USP43: variants seen among roughly 807,000 people sequenced by gnomAD.
USP43 encodes the protein ubiquitin carboxyl-terminal hydrolase 43.
Under a neutral mutation model 90.7 loss-of-function variants are expected in USP43, and 33 were observed. The ratio of observed to expected loss-of-function variants is 0.36; its 90% CI spans 0.28 to 0.49. The LOEUF (loss-of-function observed/expected upper bound fraction) is 0.49, where lower values mean the gene tolerates loss of function less well. Ranked by LOEUF, USP43 falls within the 20% of genes least tolerant of loss-of-function variation. The pLI, the probability that USP43 is intolerant of heterozygous loss-of-function variation, is 0.98. For missense variants in USP43, 1,274 were observed against 1,476.4 expected (o/e 0.86, Z 2.25); for synonymous variants, 598 against 615.8 (o/e 0.97, Z 0.43).
chr17:9,660,146 G>T (rs1365948235), intron 2 of USP43, among the ~76,000 whole-genome samples: 1 of 152,048 alleles, frequency 6.6e-6, no homozygotes, highest in Non-Finnish European at 1.5e-5. Flanking sequence ...AGCCAAGAAG[G>T]CCTGGCAATA....
At chr17:9,710,500 CTT>C (rs753636549) in intron 13 of USP43, among the ~76,000 whole-genome samples, 167 of 86,000 alleles carry the variant, frequency 1.9e-3, no homozygotes, top group African/African-American at 8.3e-3. Context: ...GGAAAGGTAG[CTT>C]TTTTTTTTTT....
chr17:9,682,753 A>C (rs1914370767), intron 6 of USP43, 70 bp from the exon 7 acceptor site: 3 of 1,552,480 alleles, frequency 1.9e-6, no homozygotes, highest in Non-Finnish European at 2.6e-6. Flanking sequence ...GGGACTAGAG[A>C]AGCTAAGGCT....
intron 14 of USP43, among the ~76,000 whole-genome samples, chr17:9,717,699 G>T (rs76890294): frequency 6.6e-6 from 1 of 151,868 alleles, no homozygotes; most frequent in African/African-American, 2.4e-5. Flanking sequence ...TGGGAGGGGG[G>T]CCTATCCAGG....
intron 1 of USP43, 35 bp downstream of exon 1, chr17:9,646,171 C>G: frequency 1.4e-6 from 2 of 1,391,292 alleles, no homozygotes; most frequent in East Asian, 3.1e-5. Context: ...GCCCTGTCCC[C>G]CTGGTTTCGC....
Position 9,647,428 on chromosome 17 carries a change from G to C in USP43, c.504+1292G>C, listed in dbSNP as rs370614724. On this transcript the variant is annotated intron_variant, in intron 1 of 14. Coordinates refer to ENST00000285199, the MANE Select transcript of USP43 (RefSeq NM_153210.5). ...AAGAGCAAGGTCTCTGGAGTTTTGTGACCTTGAGCAAGTTACCAGATCTCT... is the reference window on the plus strand; with the variant it reads ...AAGAGCAAGGTCTCTGGAGTTTTGTCACCTTGAGCAAGTTACCAGATCTCT... 22 of 152,156 alleles carry C rather than the reference G, an allele frequency of 1.4e-4. No individual in the cohort carries two copies. The East Asian group carries it at 2.1e-3, about 15-fold the overall frequency. The allele number at this position is 152,156 out of a possible 1,614,324, so 9.4% of individuals were successfully genotyped here.
In USP43 at chr17:9,646,074, G is replaced by T; in HGVS notation, c.442G>T (p.Ala148Ser). 1 of 1,508,210 alleles carries T rather than the reference G, an allele frequency of 6.6e-7. No individual in the cohort carries two copies. Among genetic ancestry groups the T allele is most frequent in the Non-Finnish European group, 8.9e-7 (1 of 1,128,950 alleles). The allele number at this position is 1,508,210 out of a possible 1,614,324, so 93.4% of individuals were successfully genotyped here. The change falls in exon 1 of 15, where the codon GCG (alanine) becomes TCG (serine). Residue 148 changes from alanine (A) to serine (S), a missense_variant. By Grantham distance (99) the Ala-to-Ser change is moderately conservative. This residue lies in a region of USP43 where 259 missense variants were observed against 373.7 expected (regional missense o/e 0.69). Transcript: ENST00000285199. ...PGRAEVTEQLAALVRALWTRE... is the reference protein window; with the variant it reads ...PGRAEVTEQLSALVRALWTRE... The stretch of plus-strand genomic sequence containing the variant: ...CCGCGCCGAGGTCACCGAGCAGCTG[G>T]CGGCGCTGGTGCGCGCGCTCTGGAC...
At chr17:9,656,230 C>A (rs754557577) in intron 1 of USP43, among the ~76,000 whole-genome samples, 173 bp from the exon 2 acceptor site, 4 of 152,118 alleles carry the variant, frequency 2.6e-5, no homozygotes, top group Non-Finnish European at 5.9e-5. Flanking sequence ...GGGGACATTG[C>A]CCCAAAAGGA....
chr17:9,664,859 G>A (rs2151967380), intron 2 of USP43, among the ~76,000 whole-genome samples: 1 of 152,248 alleles, frequency 6.6e-6, no homozygotes, highest in South Asian at 2.1e-4. Flanking sequence ...GGATGGTCTT[G>A]ATCTCCTGAC....
At chr17:9,689,770 G>A (rs778606775) in intron 8 of USP43, among the ~76,000 whole-genome samples, 2 of 152,112 alleles carry the variant, frequency 1.3e-5, no homozygotes, top group African/African-American at 2.4e-5. Context: ...AGCACTATTT[G>A]TGTGCAGGCA....
chr17:9,682,647 G>A (rs1025044422), intron 6 of USP43, among the ~76,000 whole-genome samples, 176 bp from the exon 7 acceptor site: 3 of 152,134 alleles, frequency 2.0e-5, no homozygotes, highest in African/African-American at 4.8e-5. Context: ...TATGCCAGGC[G>A]TCAGATGGCA....
At chr17:9,675,017 G>A (rs1255273172) in intron 4 of USP43, 34 bp downstream of exon 4, 2 of 1,575,700 alleles carry the variant, frequency 1.3e-6, no homozygotes, top group Admixed American at 3.3e-5. Context: ...CGGTGAACTT[G>A]ACTTCCATCC....
intron 4 of USP43, 127 bp from the exon 5 acceptor site, chr17:9,676,619 G>C: frequency 8.2e-7 from 1 of 1,219,830 alleles, no homozygotes; most frequent in East Asian, 2.7e-5. Flanking sequence ...TGATCCACCT[G>C]CTTCAGCCTC....
chr17:9,721,534 A>G (rs982256422), intron 14 of USP43, among the ~76,000 whole-genome samples: 2 of 152,006 alleles, frequency 1.3e-5, no homozygotes, highest in Admixed American at 6.6e-5. Context: ...CATGATTACT[A>G]TTTTGTAAAT....
rs1287950658 is a variant in USP43 at position 9,728,802 on chromosome 17, G to A, written c.3184G>A (p.Asp1062Asn). 1.9e-6 allele frequency: 3 copies of A among 1,612,550 alleles called. No homozygotes were observed. Among genetic ancestry groups the A allele is most frequent in the Non-Finnish European group, 2.5e-6 (3 of 1,179,252 alleles). Residue 1062 changes from aspartate to asparagine, a missense_variant, in exon 15 of 15, where the codon GAT becomes AAT. Asp to Asn is a conservative substitution (Grantham distance 23). Coordinates refer to ENST00000285199, the MANE Select transcript of USP43 (RefSeq NM_153210.5). The surrounding 1 kb of genome is among the most constrained non-coding windows in gnomAD (Gnocchi z 6.2). ...ARGLGSRLER[D>N]VWSAPSSLRL... ...GGGCCTGGGCAGCCGGCTCGAGAGG[G>A]ATGTCTGGTCAGCCCCCAGCTCTCT...
chr17:9,694,056 A>G (rs1245986386), intron 9 of USP43, among the ~76,000 whole-genome samples: 1 of 152,194 alleles, frequency 6.6e-6, no homozygotes, highest in East Asian at 1.9e-4. Flanking sequence ...GTGCCCTTGC[A>G]AAGCAATCCC....
rs1177345834 is a variant in USP43, at chr17:9,729,006, TTG to T, written c.*21_*22del. The T allele has an allele frequency of 2.1e-5, 32 of 1,521,336 alleles. No individual in the cohort carries two copies. Among genetic ancestry groups the T allele is most frequent in the Non-Finnish European group, 2.5e-5 (28 of 1,131,228 alleles). The allele number at this position is 1,521,336 out of a possible 1,614,324, so 94.2% of individuals were successfully genotyped here. A position where few individuals can be genotyped will look rare whatever the true frequency, so the allele number is the denominator to read the frequency against. On this transcript the variant is annotated 3_prime_UTR_variant, in exon 15 of 15. Transcript: ENST00000285199. Reference sequence around the variant, plus strand: ...CAGCTTTTGATGGAGCGTGTCAGTATTGTGTGACGCTGGCATTCTTGGGACTT... The same window carrying T: ...CAGCTTTTGATGGAGCGTGTCAGTATTGTGACGCTGGCATTCTTGGGACTT...
chr17:9,656,049 A>G (rs1480217647), intron 1 of USP43, among the ~76,000 whole-genome samples: 2 of 152,174 alleles, frequency 1.3e-5, no homozygotes, highest in Non-Finnish European at 2.9e-5. Flanking sequence ...AGATTAGTGG[A>G]GCATCATACC....
At chr17:9,668,805 T>G (rs1336418535) in intron 3 of USP43, among the ~76,000 whole-genome samples, 1 of 152,146 alleles carries the variant, frequency 6.6e-6, no homozygotes, top group Non-Finnish European at 1.5e-5. Flanking sequence ...TGAAAGCTAT[T>G]GGCCATGAAA....
rs1390756128 is a variant in USP43 at position 9,701,296 on chromosome 17, T to A, written c.1662+51T>A. 1.9e-6 allele frequency: 3 copies of A among 1,592,136 alleles called. No homozygotes were observed. The highest frequency in any genetic ancestry group is 2.6e-6 in the Non-Finnish European group (3 of 1,168,330). On this transcript the variant is annotated intron_variant, in intron 11 of 14. Coordinates refer to ENST00000285199, the MANE Select transcript of USP43 (RefSeq NM_153210.5). This position sits in a 1 kb window ranked among gnomAD's most constrained non-coding sequence, Gnocchi z 7.2. ...GGCCGGGAAGGGGGCTGGCTGCCTTTGGTGGGTTGGCCACGTGCTGCGGGG... is the reference window on the plus strand; with the variant it reads ...GGCCGGGAAGGGGGCTGGCTGCCTTAGGTGGGTTGGCCACGTGCTGCGGGG...
Sources: gnomAD v4.1 joint callset for allele counts (sites outside exome capture counted in the v4.1 genomes callset) on GRCh38, gnomAD v4.1.1 for gene constraint, gnomAD v4.1.1 regional missense constraint, Gnocchi (gnomAD v3.1) non-coding constraint, MANE v1.5 for transcripts, NCBI Gene and HGNC (gene_info 2026-07-23, HGNC 2026-07-21) for gene names.